Variants in VEPH1 observed in about 807,000 individuals in gnomAD.
VEPH1 encodes the protein ventricular zone-expressed PH domain-containing protein homolog 1.
A neutral mutation model predicts 85.2 loss-of-function variants in VEPH1; 80 were observed. The ratio of observed to expected loss-of-function variants is 0.94; its 90% CI spans 0.78 to 1.13. The LOEUF is 1.13. Among genes scored for constraint, VEPH1 ranks in the 50% most tolerant of loss-of-function variants. The pLI is 0.00. For synonymous variants in VEPH1, 297 were observed against 348.0 expected (o/e 0.85, Z 1.63); for missense variants, 955 against 980.5 (o/e 0.97, Z 0.35).
In VEPH1 at chr3:157,261,330, A is replaced by AC. The variant is rs1165218040; in HGVS notation, c.2305dup (p.Val769GlyfsTer27). 3.7e-6 allele frequency: 6 copies of AC among 1,613,560 alleles called. No individual in the cohort carries two copies. The highest frequency in any genetic ancestry group is 1.3e-5 in the African/African-American group (1 of 74,886). ...CTTGGCCACAGCCTTCACACTCTGTACTTTGCTGAGTTCTATTGGGCAGTC... is the reference window on the plus strand; with the variant it reads ...CTTGGCCACAGCCTTCACACTCTGTACCTTTGCTGAGTTCTATTGGGCAGTC... On this transcript the variant is annotated frameshift_variant, in exon 14 of 14. Transcript: ENST00000362010. LOFTEE classifies it high-confidence loss of function.
chr3:157,341,886 A>C (rs1229958808), intron 9 of VEPH1, among the ~76,000 whole-genome samples: 3 of 152,124 alleles, frequency 2.0e-5, no homozygotes, highest in Admixed American at 2.0e-4. Context: ...TTCTTAAAGA[A>C]AAGAATTTTC....
At chr3:157,432,892 C>A (rs1418008710) in intron 4 of VEPH1, among the ~76,000 whole-genome samples, 1 of 152,114 alleles carries the variant, frequency 6.6e-6, no homozygotes, top group South Asian at 2.1e-4. Flanking sequence ...ATTTATCTTT[C>A]TGTCTATGTA....
chr3:157,409,909 C>T (rs979017734), intron 6 of VEPH1: 1 of 985,356 alleles, frequency 1.0e-6, no homozygotes. Flanking sequence ...ATGGAGTTTG[C>T]TGGAAACCAG....
chr3:157,293,902 A>G (rs1304787979), intron 11 of VEPH1, among the ~76,000 whole-genome samples: 1 of 152,276 alleles, frequency 6.6e-6, no homozygotes, highest in African/African-American at 2.4e-5. Context: ...CAAAAGGTCA[A>G]GAAAACTTTA....
intron 1 of VEPH1, among the ~76,000 whole-genome samples, chr3:157,500,061 CT>C (rs1739980005): frequency 6.6e-6 from 1 of 152,174 alleles, no homozygotes. Context: ...TACGTACTCT[CT>C]TTTTTTCGTT....
intron 12 of VEPH1, among the ~76,000 whole-genome samples, chr3:157,276,890 G>T (rs1160419915): frequency 3.6e-5 from 4 of 112,532 alleles, no homozygotes; most frequent in African/African-American, 1.6e-4. Context: ...CAATGAAGAA[G>T]ATAATTTTTT....
At chr3:157,266,607 T>G (rs535058224) in intron 12 of VEPH1, among the ~76,000 whole-genome samples, 14 of 152,336 alleles carry the variant, frequency 9.2e-5, no homozygotes, top group African/African-American at 3.4e-4. Flanking sequence ...TGGCAAATAG[T>G]AGGAAGTCTA....
chr3:157,345,858 G>T (rs367700240), intron 9 of VEPH1, among the ~76,000 whole-genome samples: 3 of 152,118 alleles, frequency 2.0e-5, no homozygotes, highest in African/African-American at 7.2e-5. Context: ...CCATAAAAAA[G>T]GATGAGTTCA....
chr3:157,320,820 G>T (rs1264777701), intron 9 of VEPH1, among the ~76,000 whole-genome samples: 1 of 151,976 alleles, frequency 6.6e-6, no homozygotes, highest in Non-Finnish European at 1.5e-5. Context: ...AAGAATATTT[G>T]GTCTTCTTTG....
At chr3:157,401,707 A>G (rs958549424) in intron 6 of VEPH1, among the ~76,000 whole-genome samples, 15 of 150,052 alleles carry the variant, frequency 1.0e-4, no homozygotes, top group African/African-American at 3.7e-4. Flanking sequence ...AACACTCCCT[A>G]TTTTAGTTCA....
At chr3:157,290,727 A>G (rs932559048) in intron 11 of VEPH1, among the ~76,000 whole-genome samples, 5 of 152,242 alleles carry the variant, frequency 3.3e-5, no homozygotes, top group Admixed American at 3.3e-4. Context: ...CCTGATAAAC[A>G]TCATTTAATT....
At chr3:157,320,970 T>C (rs1721282947) in intron 9 of VEPH1, among the ~76,000 whole-genome samples, 1 of 152,128 alleles carries the variant, frequency 6.6e-6, no homozygotes, top group South Asian at 2.1e-4. Context: ...CTTGGGAGAC[T>C]AGACACTTAT....
chr3:157,287,745 A>G (rs2108378948), intron 11 of VEPH1, among the ~76,000 whole-genome samples: 1 of 152,048 alleles, frequency 6.6e-6, no homozygotes, highest in South Asian at 2.1e-4. Context: ...TTGTATATCT[A>G]GTAGAGACAG....
Position 157,304,038 on chromosome 3 carries a change from T to TATATATATATATATAC in VEPH1, c.2010+9582_2010+9583insGTATATATATATATAT. Among the ~76,000 whole-genome samples, 86 of 96,914 alleles carry TATATATATATATATAC rather than the reference T, an allele frequency of 8.9e-4. 4 individuals carry two copies. Among genetic ancestry groups the TATATATATATATATAC allele is most frequent in the Non-Finnish European group, 1.6e-3 (69 of 42,076 alleles). The allele number at this position is 96,914 out of a possible 152,430, so 63.6% of individuals were successfully genotyped here. A position where few individuals can be genotyped will look rare whatever the true frequency, so the allele number is the denominator to read the frequency against. On this transcript the variant is annotated intron_variant, in intron 11 of 13. Coordinates refer to ENST00000362010, the MANE Select transcript of VEPH1 (RefSeq NM_001167912.2). ...CTTATATTTTTTATATATATATATA[T>TATATATATATATATAC]ACACACATACTGTTACATCTTATAT...
At chr3:157,292,683 C>A (rs1717632321) in intron 11 of VEPH1, among the ~76,000 whole-genome samples, 1 of 145,756 alleles carries the variant, frequency 6.9e-6, no homozygotes, top group African/African-American at 2.6e-5. Context: ...CAGAGTGAGA[C>A]CTAAAAAAAG....
chr3:157,416,440 A>C (rs890727838), intron 5 of VEPH1, among the ~76,000 whole-genome samples: 2 of 152,184 alleles, frequency 1.3e-5, no homozygotes, highest in African/African-American at 4.8e-5. Context: ...ATTAGGGAGC[A>C]ATTGTATGTC....
rs1719141027 is a variant in VEPH1 at position 157,304,017 on chromosome 3, T to TA, written c.2010+9603dup. ...ATGTAGACTTAAATTTCTCATCTTA[T>TA]ATTTTTTATATATATATATATACAC... On this transcript the variant is annotated intron_variant, in intron 11 of 13. Coordinates refer to ENST00000362010, the MANE Select transcript of VEPH1 (RefSeq NM_001167912.2). Among the ~76,000 whole-genome samples, 2 of 49,054 alleles carry TA rather than the reference T, an allele frequency of 4.1e-5. 1 individual carries two copies. Among genetic ancestry groups the TA allele is most frequent in the Non-Finnish European group, 8.9e-5 (2 of 22,374 alleles). 32.2% of individuals were successfully genotyped at this position (49,054 alleles called of 152,430 possible). A position where few individuals can be genotyped will look rare whatever the true frequency, so the allele number is the denominator to read the frequency against.
At chr3:157,276,473 T>C (rs1263999980) in intron 12 of VEPH1, among the ~76,000 whole-genome samples, 3 of 152,238 alleles carry the variant, frequency 2.0e-5, no homozygotes, top group Admixed American at 6.5e-5. Flanking sequence ...GTGATTCTTA[T>C]GTTGCTCAAA....
intron 2 of VEPH1, among the ~76,000 whole-genome samples, chr3:157,473,762 TATA>T (rs1191266186): frequency 2.0e-5 from 3 of 152,184 alleles, no homozygotes; most frequent in African/African-American, 7.2e-5. Context: ...TGAGAGATTT[TATA>T]ATATTATAAT....
Sources: gnomAD v4.1 joint callset for allele counts (sites outside exome capture counted in the v4.1 genomes callset) on GRCh38, gnomAD v4.1.1 for gene constraint, MANE v1.5 for transcripts, NCBI Gene and HGNC (gene_info 2026-07-23, HGNC 2026-07-21) for gene names.